The following GTF2A2 variants were observed in gnomAD, a reference collection of about 807,000 sequenced individuals.
GTF2A2 encodes the protein transcription initiation factor IIA subunit 2.
In GTF2A2, 9 loss-of-function variants were observed where a neutral mutation model predicts 14.3. The observed-to-expected ratio is 0.63, with a 90% CI of 0.38 to 1.10. GTF2A2 has a LOEUF of 1.10. Ranked by LOEUF, GTF2A2 falls within the 50% of genes least tolerant of loss-of-function variation. The probability of loss-of-function intolerance (pLI) is 0.01; values close to 1 mark genes in which losing one functional copy is unlikely to be tolerated. For synonymous variants in GTF2A2, 56 were observed against 46.0 expected, an observed-to-expected ratio of 1.22 and a Z score of -0.88; for missense variants, 90 against 124.6, an observed-to-expected ratio of 0.72 and a Z score of 1.32.
intron 3 of GTF2A2, among the ~76,000 whole-genome samples, chr15:59,643,770 TA>T (rs1458168782): frequency 1.7e-5 from 1 of 59,660 alleles, no homozygotes; most frequent in African/African-American, 7.3e-5. Flanking sequence ...GTCTAATTTT[TA>T]TATTTTTAGT....
chr15:59,641,746 T>G (rs1377927898), intron 4 of GTF2A2, among the ~76,000 whole-genome samples: 1 of 152,182 alleles, frequency 6.6e-6, no homozygotes, highest in Non-Finnish European at 1.5e-5. Flanking sequence ...ATTAAAATCC[T>G]GTTTAAAATA....
intron 4 of GTF2A2, among the ~76,000 whole-genome samples, chr15:59,641,238 A>C (rs549284062): frequency 6.6e-6 from 1 of 150,572 alleles, no homozygotes; most frequent in South Asian, 2.1e-4. Flanking sequence ...TACATTTACT[A>C]ATGTCTACAT....
In GTF2A2 at chr15:59,643,326, C is replaced by A. The variant is rs547175192; in HGVS notation, c.178-1064G>T. Among the ~76,000 whole-genome samples the A allele has an allele frequency of 2.0e-5, 3 of 151,814 alleles. No homozygotes were observed. The East Asian group carries it at 5.8e-4, about 29-fold the overall frequency. Reference sequence around the variant, plus strand: ...AACTCCTGACCTCAGATGATCTGCCCGCCGTGGCCTCCCAAAGTGCTGGGA... The same window carrying A: ...AACTCCTGACCTCAGATGATCTGCCAGCCGTGGCCTCCCAAAGTGCTGGGA... On this transcript the variant is annotated intron_variant, in intron 3 of 4. Coordinates refer to ENST00000396060, the MANE Select transcript of GTF2A2 (RefSeq NM_004492.3).
At chr15:59,641,055 T>A (rs1250437271) in intron 4 of GTF2A2, among the ~76,000 whole-genome samples, 1 of 152,166 alleles carries the variant, frequency 6.6e-6, no homozygotes, top group Admixed American at 6.5e-5. Context: ...TAATTTTATA[T>A]AGCTACTAAA....
chr15:59,652,399 A>C, intron 1 of GTF2A2, 73 bp from the exon 2 acceptor site: 1 of 597,906 alleles, frequency 1.7e-6, no homozygotes, highest in Non-Finnish European at 2.9e-6. Flanking sequence ...AATATCATCT[A>C]CCTCAAATAT....
chr15:59,641,967 T>TG (rs1891443458), intron 4 of GTF2A2, among the ~76,000 whole-genome samples, 169 bp downstream of exon 4: 1 of 152,078 alleles, frequency 6.6e-6, no homozygotes, highest in Admixed American at 6.5e-5. Context: ...GTAAGAGCAC[T>TG]GTTTGAGATA....
At chr15:59,640,250 A>G (rs1158834475) in intron 4 of GTF2A2, 1 of 152,174 alleles carries the variant, frequency 6.6e-6, no homozygotes, top group Non-Finnish European at 1.5e-5. Flanking sequence ...AGTTTGGAAA[A>G]CAATCTTGTA....
intron 3 of GTF2A2, chr15:59,644,308 ACAC>A (rs1213755343): frequency 6.6e-6 from 1 of 152,266 alleles, no homozygotes; most frequent in Non-Finnish European, 1.5e-5. Flanking sequence ...TTAGTAGGCA[ACAC>A]TTAAATGCCT....
chr15:59,639,260 A>G, intron 4 of GTF2A2, 103 bp from the exon 5 acceptor site: 2 of 753,140 alleles, frequency 2.7e-6, no homozygotes, highest in Non-Finnish European at 4.9e-6. Flanking sequence ...CAGGACTAAT[A>G]GTGGTGGTGG....
At chr15:59,643,854 T>A (rs2141958730) in intron 3 of GTF2A2, among the ~76,000 whole-genome samples, 1 of 151,926 alleles carries the variant, frequency 6.6e-6, no homozygotes, top group East Asian at 1.9e-4. Context: ...CACCTTGGCC[T>A]CCCAAAGTTT....
At chr15:59,649,230 G>A (rs1891716694) in intron 3 of GTF2A2, among the ~76,000 whole-genome samples, 1 of 152,188 alleles carries the variant, frequency 6.6e-6, no homozygotes, top group Non-Finnish European at 1.5e-5. Context: ...TAAAAAGCGT[G>A]AGTTAGAATA....
chr15:59,639,485 T>C (rs1891317270), intron 4 of GTF2A2, among the ~76,000 whole-genome samples: 1 of 136,172 alleles, frequency 7.3e-6, no homozygotes, highest in African/African-American at 2.8e-5. Context: ...TTTTTTGAGA[T>C]GGAGTCTAGC....
chr15:59,657,177 G>T (rs1430457034), intron 1 of GTF2A2: 1 of 152,228 alleles, frequency 6.6e-6, no homozygotes, highest in Admixed American at 6.5e-5. Flanking sequence ...GGTTCTGTGG[G>T]CGCCCCGTGA....
intron 4 of GTF2A2, among the ~76,000 whole-genome samples, chr15:59,641,915 A>G (rs2141956817): frequency 6.6e-6 from 1 of 152,358 alleles, no homozygotes; most frequent in East Asian, 1.9e-4. Context: ...ACCCACACAA[A>G]TCCAACCTGT....
intron 1 of GTF2A2, among the ~76,000 whole-genome samples, chr15:59,654,673 A>G (rs1891890869): frequency 6.6e-6 from 1 of 152,206 alleles, no homozygotes; most frequent in Admixed American, 6.5e-5. Flanking sequence ...GTAGTATGTT[A>G]AAGTGCTAAT....
At chr15:59,639,453 T>C (rs1297563402) in intron 4 of GTF2A2, among the ~76,000 whole-genome samples, 4 of 137,076 alleles carry the variant, frequency 2.9e-5, no homozygotes, top group African/African-American at 5.4e-5. Context: ...CCAGGTCCTT[T>C]ACTGTCCCAA....
At chr15:59,639,351 T>C (rs763390903) in intron 4 of GTF2A2, among the ~76,000 whole-genome samples, 194 bp from the exon 5 acceptor site, 1 of 152,150 alleles carries the variant, frequency 6.6e-6, no homozygotes. Flanking sequence ...TAAGCAGAGA[T>C]ACAAAGATGC....
intron 3 of GTF2A2, among the ~76,000 whole-genome samples, chr15:59,649,058 T>C (rs1891709986): frequency 6.6e-6 from 1 of 152,256 alleles, no homozygotes; most frequent in Non-Finnish European, 1.5e-5. Flanking sequence ...ATAAAAAATA[T>C]ATACCTAAAT....
rs1467247496 is a variant in GTF2A2 at position 59,650,757 on chromosome 15, G to A, written c.89C>T (p.Pro30Leu). Reference sequence around the variant, plus strand: ...AAGTAGAACTTGAAGGGCAAGTTGGGGGGTGATCTGTTGAGACTGAGAAAA... The same window carrying A: ...AAGTAGAACTTGAAGGGCAAGTTGGAGGGTGATCTGTTGAGACTGAGAAAA... ...DELIQSQQIT[P>L]QLALQVLLQF... The change falls in exon 3 of 5, where the codon CCC becomes CTC. Residue 30 changes from proline (P) to leucine (L), a missense_variant. Pro to Leu is a moderately conservative substitution (Grantham distance 98). Coordinates refer to ENST00000396060, the MANE Select transcript of GTF2A2 (RefSeq NM_004492.3). The A allele has an allele frequency of 6.2e-7, 1 of 1,601,036 alleles. No homozygotes were observed. The highest frequency in any genetic ancestry group is 1.1e-5 in the South Asian group (1 of 90,818).
Sources: gnomAD v4.1 joint callset for allele counts (sites outside exome capture counted in the v4.1 genomes callset) on GRCh38, gnomAD v4.1.1 for gene constraint, MANE v1.5 for transcripts, NCBI Gene and HGNC (gene_info 2026-07-23, HGNC 2026-07-21) for gene names.